Variants in ANKS1B observed in about 807,000 individuals in gnomAD.
ANKS1B encodes the protein ankyrin repeat and sterile alpha motif domain-containing protein 1B.
ANKS1B carries 36 observed loss-of-function variants against 148.3 expected under a neutral mutation model. The ratio of observed to expected loss-of-function variants is 0.24; its 90% CI spans 0.19 to 0.32. The LOEUF (loss-of-function observed/expected upper bound fraction) is 0.32. Ranked by LOEUF, ANKS1B falls within the 10% of genes least tolerant of loss-of-function variation. The pLI, the probability that ANKS1B is intolerant of heterozygous loss-of-function variation, is 1.00. For synonymous variants in ANKS1B, 542 were observed against 560.8 expected (o/e 0.97, Z 0.47); for missense variants, 1,157 against 1,542.6 (o/e 0.75, Z 4.19).
intron 8 of ANKS1B, among the ~76,000 whole-genome samples, chr12:99,691,762 C>G (rs769225311): frequency 6.6e-6 from 1 of 152,196 alleles, no homozygotes. Flanking sequence ...TCCAAAGTTG[C>G]GTCCAAATTT....
chr12:99,065,436 A>G (rs2043801910), intron 16 of ANKS1B, among the ~76,000 whole-genome samples: 1 of 152,226 alleles, frequency 6.6e-6, no homozygotes, highest in African/African-American at 2.4e-5. Context: ...AGATAAATGT[A>G]CCACACAACC....
In ANKS1B at chr12:99,922,938, T is replaced by TAA. The variant is rs35052869; in HGVS notation, c.134+61164_134+61165dup. 2.5e-3 allele frequency among the ~76,000 whole-genome samples: 375 copies of TAA among 147,136 alleles called. 3 individuals are homozygous for TAA. The highest frequency in any genetic ancestry group is 8.7e-3 in the African/African-American group (351 of 40,350). ...TTGGACCTCTCAGCCTCCAGAACTATAAAAAAAAAAAAATTCTTTTCCTTA... is the reference window on the plus strand; with the variant it reads ...TTGGACCTCTCAGCCTCCAGAACTATAAAAAAAAAAAAAAATTCTTTTCCTTA... On this transcript the variant is annotated intron_variant, in intron 1 of 26. Coordinates refer to ENST00000683438, the MANE Select transcript of ANKS1B (RefSeq NM_001352186.2).
intron 14 of ANKS1B, among the ~76,000 whole-genome samples, chr12:99,211,609 T>C (rs562958182): frequency 6.6e-6 from 1 of 152,322 alleles, no homozygotes; most frequent in African/African-American, 2.4e-5. Flanking sequence ...TTGTTATAAT[T>C]TTGTCTTTTG....
chr12:99,637,277 C>T (rs1402922409), intron 9 of ANKS1B, among the ~76,000 whole-genome samples: 2 of 152,192 alleles, frequency 1.3e-5, no homozygotes, highest in African/African-American at 2.4e-5. Context: ...TGCACTCCAG[C>T]TTGGGCAGCA....
intron 16 of ANKS1B, among the ~76,000 whole-genome samples, chr12:99,074,493 C>T (rs1037692054): frequency 2.0e-5 from 3 of 152,116 alleles, no homozygotes; most frequent in Non-Finnish European, 4.4e-5. Flanking sequence ...TCTATCCAGC[C>T]CATACAGTTA....
rs1019472986 is a variant in ANKS1B, at chr12:99,635,132, T to C, written c.1272+19935A>G. Among the ~76,000 whole-genome samples, 38 of 152,086 alleles carry C rather than the reference T, an allele frequency of 2.5e-4. 1 individual carries two copies. The highest frequency in any genetic ancestry group is 2.2e-3 in the Admixed American group (33 of 15,258). Reference sequence around the variant, plus strand: ...AAGTGTTGGCTAGGATGTGAAGAAATTGGAATCCTTGTGTATCATTGGTGG... The same window carrying C: ...AAGTGTTGGCTAGGATGTGAAGAAACTGGAATCCTTGTGTATCATTGGTGG... On this transcript the variant is annotated intron_variant, in intron 9 of 26. Transcript: ENST00000683438.
intron 10 of ANKS1B, among the ~76,000 whole-genome samples, chr12:99,485,952 A>G (rs553468916): frequency 3.3e-5 from 5 of 152,202 alleles, no homozygotes; most frequent in African/African-American, 1.2e-4. Flanking sequence ...TAATTTCTCT[A>G]TGAGGGTTTT....
rs147867778 is a variant in ANKS1B at position 98,769,508 on chromosome 12, C to T, written c.3579+3534G>A. On this transcript the variant is annotated intron_variant, in intron 25 of 26. Coordinates refer to ENST00000683438, the MANE Select transcript of ANKS1B (RefSeq NM_001352186.2). ...CTAGTAATGTTTACATTAAATCAAA[C>T]ATCTGGATGAAAAGATAAATGTTAA... is the stretch of plus-strand genomic sequence containing the variant. Among the ~76,000 whole-genome samples, 102 of 152,250 alleles carry T rather than the reference C, an allele frequency of 6.7e-4. 1 individual carries two copies. In the South Asian group the frequency reaches 0.02, roughly 30 times the overall value.
rs371069891 is a variant in ANKS1B at position 99,584,830 on chromosome 12, C to G, written c.1272+70237G>C. 2.0e-3 allele frequency among the ~76,000 whole-genome samples: 309 copies of G among 152,172 alleles called. 1 individual carries two copies. The highest frequency in any genetic ancestry group is 7.3e-3 in the African/African-American group (303 of 41,506). ...AGATCGCGTGAGACTTATTCACTATCATGAGAATGGCACAGGAAAAACCTG... is the reference window on the plus strand; with the variant it reads ...AGATCGCGTGAGACTTATTCACTATGATGAGAATGGCACAGGAAAAACCTG... On this transcript the variant is annotated intron_variant, in intron 9 of 26. Coordinates refer to ENST00000683438, the MANE Select transcript of ANKS1B (RefSeq NM_001352186.2).
intron 14 of ANKS1B, among the ~76,000 whole-genome samples, chr12:99,169,630 G>A (rs977468413): frequency 1.3e-5 from 2 of 152,098 alleles, no homozygotes; most frequent in Non-Finnish European, 2.9e-5. Context: ...TTTTATATAT[G>A]TTATCTCATT....
chr12:99,624,399 C>A (rs1304010032), intron 9 of ANKS1B, among the ~76,000 whole-genome samples: 1 of 151,944 alleles, frequency 6.6e-6, no homozygotes, highest in Non-Finnish European at 1.5e-5. Flanking sequence ...CAAAAGTTGA[C>A]AATTGAGACC....
At chr12:98,977,466 C>T (rs2099898897) in intron 17 of ANKS1B, among the ~76,000 whole-genome samples, 1 of 151,416 alleles carries the variant, frequency 6.6e-6, no homozygotes, top group South Asian at 2.1e-4. Context: ...TTTATCCATT[C>T]ATATATAAGC....
chr12:99,790,831 G>C (rs1286865956), intron 4 of ANKS1B, among the ~76,000 whole-genome samples: 1 of 151,786 alleles, frequency 6.6e-6, no homozygotes, highest in Non-Finnish European at 1.5e-5. Context: ...TCACTAAAAG[G>C]AAGACAGGAA....
intron 5 of ANKS1B, among the ~76,000 whole-genome samples, chr12:99,780,342 C>T (rs1049337415): frequency 6.6e-6 from 1 of 151,982 alleles, no homozygotes; most frequent in Non-Finnish European, 1.5e-5. Context: ...GTGGCGCGAT[C>T]TCGGCTCACT....
intron 9 of ANKS1B, among the ~76,000 whole-genome samples, chr12:99,560,840 CTTTTTTTTTT>C (rs58588885): frequency 0.023 from 1,649 of 72,028 alleles, 46 homozygotes; most frequent in African/African-American, 0.076. Context: ...TTTCTTTTTT[CTTTTTTTTTT>C]TTTTTTTTTT....
intron 1 of ANKS1B, among the ~76,000 whole-genome samples, chr12:99,900,142 A>C (rs1603447005): frequency 6.6e-6 from 1 of 151,604 alleles, no homozygotes; most frequent in African/African-American, 2.4e-5. Context: ...CAGGTGATCC[A>C]CCTGCCTTGG....
At chr12:98,926,520 A>G (rs2099808495) in intron 17 of ANKS1B, among the ~76,000 whole-genome samples, 1 of 152,180 alleles carries the variant, frequency 6.6e-6, no homozygotes, top group South Asian at 2.1e-4. Context: ...TATGGCCCAT[A>G]CACAGGAAAA....
intron 17 of ANKS1B, among the ~76,000 whole-genome samples, chr12:98,998,840 C>T (rs545258890): frequency 1.3e-5 from 2 of 152,124 alleles, no homozygotes; most frequent in Non-Finnish European, 2.9e-5. Flanking sequence ...AGTGATGGAA[C>T]GAGCTCGTTA....
chr12:99,213,576 T>G (rs1376044337), intron 14 of ANKS1B, among the ~76,000 whole-genome samples: 1 of 152,212 alleles, frequency 6.6e-6, no homozygotes, highest in East Asian at 1.9e-4. Flanking sequence ...AGGTCCATAA[T>G]GGGGATGTGT....
Sources: allele counts gnomAD v4.1 joint callset (sites outside exome capture counted in the v4.1 genomes callset), GRCh38; gene constraint gnomAD v4.1.1; transcripts MANE v1.5; gene names NCBI Gene and HGNC (gene_info 2026-07-23, HGNC 2026-07-21).